FAM227B: variants seen among roughly 807,000 people sequenced by gnomAD.
The protein encoded by FAM227B is family with sequence similarity 227 member B, also known as protein FAM227B.
Under a neutral mutation model 73.8 loss-of-function variants are expected in FAM227B, and 88 were observed. That is an observed-to-expected ratio of 1.19 (90% CI 1.00 to 1.42). FAM227B has a LOEUF of 1.42. Among genes scored for constraint, FAM227B ranks in the 40% most tolerant of loss-of-function variants. The pLI is 0.00. For synonymous variants in FAM227B, 210 were observed against 190.5 expected (o/e 1.10, Z -0.84); for missense variants, 632 against 590.9 (o/e 1.07, Z -0.72).
chr15:49,448,520 A>G (rs1169411206), intron 11 of FAM227B, among the ~76,000 whole-genome samples: 1 of 151,680 alleles, frequency 6.6e-6, no homozygotes, highest in African/African-American at 2.4e-5. Flanking sequence ...AACTCCTAAC[A>G]TAAGTTAATC....
intron 5 of FAM227B, among the ~76,000 whole-genome samples, chr15:49,578,878 T>A (rs988461702): frequency 1.3e-5 from 2 of 152,098 alleles, no homozygotes; most frequent in African/African-American, 4.8e-5. Flanking sequence ...ACCTTTGTAA[T>A]GGGAGAAAAT....
intron 11 of FAM227B, among the ~76,000 whole-genome samples, chr15:49,496,852 A>T (rs780342023): frequency 6.6e-6 from 1 of 152,018 alleles, no homozygotes; most frequent in African/African-American, 2.4e-5. Flanking sequence ...TACATATACT[A>T]ATGTTTTACC....
intron 11 of FAM227B, among the ~76,000 whole-genome samples, chr15:49,499,621 G>A (rs976427320): frequency 2.6e-5 from 4 of 152,098 alleles, no homozygotes; most frequent in African/African-American, 9.7e-5. Flanking sequence ...CAAACTTGGA[G>A]GACTTATAGT....
Position 49,463,565 on chromosome 15 carries a change from A to T in FAM227B, c.1012+44646T>A, listed in dbSNP as rs552784199. Among the ~76,000 whole-genome samples, 241 of 151,880 alleles carry T rather than the reference A, an allele frequency of 1.6e-3. 5 individuals carry two copies. The highest frequency in any genetic ancestry group is 5.3e-3 in the African/African-American group (220 of 41,390). On this transcript the variant is annotated intron_variant, in intron 11 of 15. Transcript: ENST00000299338. Reference sequence around the variant, plus strand: ...GATTCCGTCTCAAAAAAAAAAAAAAAATATCCAAACTCAACTAGCTGCATA... The same window carrying T: ...GATTCCGTCTCAAAAAAAAAAAAAATATATCCAAACTCAACTAGCTGCATA...
chr15:49,339,753 C>T (rs946683837), intron 13 of FAM227B, among the ~76,000 whole-genome samples: 1 of 152,206 alleles, frequency 6.6e-6, no homozygotes, highest in Non-Finnish European at 1.5e-5. Context: ...TGCTCTGTCC[C>T]AGGTAGGTGG....
In FAM227B at chr15:49,580,880, T is replaced by C. The variant is rs575257633; in HGVS notation, c.406-3216A>G. On this transcript the variant is annotated intron_variant, in intron 5 of 15. Coordinates refer to ENST00000299338, the MANE Select transcript of FAM227B (RefSeq NM_152647.3). The stretch of plus-strand genomic sequence containing the variant: ...CAGCAGAATAGACCAAGATGAGGAA[T>C]GAATCTCAGACCTCAAAGATTGCTT... Among the ~76,000 whole-genome samples, 114 of 152,288 alleles carry C rather than the reference T, an allele frequency of 7.5e-4. No homozygotes were observed. The South Asian group carries it at 0.012, about 16-fold the overall frequency.
intron 10 of FAM227B, among the ~76,000 whole-genome samples, chr15:49,515,751 G>T (rs530360443): frequency 6.6e-6 from 1 of 152,208 alleles, no homozygotes; most frequent in South Asian, 2.1e-4. Context: ...GAAGTGTTTT[G>T]TTGTGTTTGT....
intron 11 of FAM227B, among the ~76,000 whole-genome samples, chr15:49,497,112 T>C (rs769044814): frequency 2.0e-4 from 31 of 152,148 alleles, no homozygotes; most frequent in African/African-American, 5.1e-4. Flanking sequence ...AAGGGGAATA[T>C]AGAAATATTC....
chr15:49,415,414 T>A (rs1470013799), intron 11 of FAM227B, among the ~76,000 whole-genome samples: 1 of 152,102 alleles, frequency 6.6e-6, no homozygotes, highest in African/African-American at 2.4e-5. Context: ...AAGCACTTAC[T>A]CAAGGAAATT....
chr15:49,363,607 C>G (rs1248213395), intron 13 of FAM227B, among the ~76,000 whole-genome samples: 1 of 152,050 alleles, frequency 6.6e-6, no homozygotes, highest in Non-Finnish European at 1.5e-5. Flanking sequence ...TATTTGAATG[C>G]CTTTTACTTC....
At chr15:49,459,510 CATTGT>C (rs778723051) in intron 11 of FAM227B, among the ~76,000 whole-genome samples, 10 of 152,018 alleles carry the variant, frequency 6.6e-5, no homozygotes, top group Non-Finnish European at 1.5e-4. Flanking sequence ...TGCATTTCAG[CATTGT>C]GTTAAGTGCT....
At chr15:49,530,529 GA>G (rs938589951) in intron 10 of FAM227B, among the ~76,000 whole-genome samples, 2 of 151,524 alleles carry the variant, frequency 1.3e-5, no homozygotes, top group South Asian at 2.1e-4. Flanking sequence ...CTTTCTGCAA[GA>G]AAAAAAAGTT....
intron 9 of FAM227B, among the ~76,000 whole-genome samples, chr15:49,543,598 G>A (rs1008242576): frequency 2.0e-5 from 3 of 152,076 alleles, no homozygotes; most frequent in Admixed American, 1.3e-4. Context: ...GTCTAGAAGA[G>A]TTTTTTCAAT....
intron 13 of FAM227B, among the ~76,000 whole-genome samples, chr15:49,355,087 T>A (rs9806614): frequency 0.42 from 62,002 of 148,774 alleles, 13,030 homozygotes; most frequent in African/African-American, 0.45. Context: ...AAAACCCATC[T>A]GTACATCACC....
At chr15:49,329,517 G>A (rs2151127110) in intron 15 of FAM227B, 1 of 985,314 alleles carries the variant, frequency 1.0e-6, no homozygotes, top group Non-Finnish European at 1.2e-6. Context: ...AGGGAGGCCT[G>A]CGCAAAGCTA....
At position 49,449,027 on chromosome 15, in the gene FAM227B, T is replaced by C. The variant is rs1384708940; in HGVS notation, c.1012+59184A>G. On this transcript the variant is annotated intron_variant, in intron 11 of 15. Transcript: ENST00000299338. ...ACTTTCATAGGAGAAATAACATTCT[T>C]TTCTGTCTGCACTCATCCCCTTGAT... 2.6e-5 allele frequency among the ~76,000 whole-genome samples: 4 copies of C among 152,076 alleles called. No homozygotes were observed. In the East Asian group the frequency reaches 7.8e-4, roughly 30 times the overall value.
chr15:49,370,885 T>C (rs1409144108), intron 12 of FAM227B, among the ~76,000 whole-genome samples: 1 of 152,176 alleles, frequency 6.6e-6, no homozygotes, highest in East Asian at 1.9e-4. Context: ...AGTATCTACA[T>C]GTGGTCAATT....
At chr15:49,597,992 C>CA (rs972489048) in intron 3 of FAM227B, among the ~76,000 whole-genome samples, 14 of 149,396 alleles carry the variant, frequency 9.4e-5, no homozygotes, top group Non-Finnish European at 1.6e-4. Flanking sequence ...TAATTACCAA[C>CA]AAAAAAAAAG....
intron 11 of FAM227B, among the ~76,000 whole-genome samples, chr15:49,445,065 C>T (rs915778667): frequency 1.3e-5 from 2 of 151,300 alleles, no homozygotes; most frequent in African/African-American, 4.8e-5. Context: ...CAGACATATC[C>T]TCAATAATCC....
Sources: gnomAD v4.1 joint callset for allele counts (sites outside exome capture counted in the v4.1 genomes callset) on GRCh38, gnomAD v4.1.1 for gene constraint, MANE v1.5 for transcripts, NCBI Gene and HGNC (gene_info 2026-07-23, HGNC 2026-07-21) for gene names.